GPC6: variants seen among roughly 807,000 people sequenced by gnomAD.
GPC6 encodes the protein glypican 6.
A neutral mutation model predicts 55.2 loss-of-function variants in GPC6; 14 were observed. The observed-to-expected ratio is 0.25, with a 90% CI of 0.17 to 0.40. The LOEUF (loss-of-function observed/expected upper bound fraction) is 0.40, where lower values mean the gene tolerates loss of function less well. Among genes scored for constraint, GPC6 ranks in the 10% least tolerant of loss-of-function variants. The pLI is 1.00. For synonymous variants in GPC6, 278 were observed against 259.6 expected (o/e 1.07, Z -0.68); for missense variants, 641 against 708.5 (o/e 0.90, Z 1.08).
intron 4 of GPC6, among the ~76,000 whole-genome samples, chr13:94,106,282 C>G (rs2138833142): frequency 6.6e-6 from 1 of 152,142 alleles, no homozygotes; most frequent in African/African-American, 2.4e-5. Context: ...TCATGGTCAA[C>G]AGTGTTAGAT....
chr13:94,130,823 A>G (rs1886978694), intron 4 of GPC6, among the ~76,000 whole-genome samples: 1 of 152,170 alleles, frequency 6.6e-6, no homozygotes, highest in Non-Finnish European at 1.5e-5. Context: ...AATACTAAGC[A>G]TTACTTCATA....
intron 3 of GPC6, among the ~76,000 whole-genome samples, chr13:94,004,490 T>C (rs967462131): frequency 2.6e-5 from 4 of 152,222 alleles, no homozygotes; most frequent in African/African-American, 7.2e-5. Context: ...TTGGAACATA[T>C]TGGAGAATAT....
intron 1 of GPC6, among the ~76,000 whole-genome samples, chr13:93,444,793 C>A (rs976027898): frequency 1.3e-5 from 2 of 152,120 alleles, no homozygotes; most frequent in Non-Finnish European, 2.9e-5. Flanking sequence ...CCTTTTAATC[C>A]TTTTCCTACT....
At chr13:93,414,457 A>G (rs1302262441) in intron 1 of GPC6, among the ~76,000 whole-genome samples, 1 of 152,176 alleles carries the variant, frequency 6.6e-6, no homozygotes. Context: ...GCACAAATTC[A>G]GCAATACGAT....
At chr13:93,329,344 A>G (rs1252733042) in intron 1 of GPC6, among the ~76,000 whole-genome samples, 8 of 152,204 alleles carry the variant, frequency 5.3e-5, no homozygotes, top group Admixed American at 5.2e-4. Flanking sequence ...ACTATTGGCA[A>G]CTTTTATAAA....
intron 2 of GPC6, among the ~76,000 whole-genome samples, chr13:93,824,266 A>G (rs1887157134): frequency 6.6e-6 from 1 of 152,248 alleles, no homozygotes; most frequent in African/African-American, 2.4e-5. Flanking sequence ...TAAAAACAAT[A>G]CTTGAGCAAA....
At chr13:94,201,105 G>A (rs75018524) in intron 4 of GPC6, among the ~76,000 whole-genome samples, 2,330 of 152,268 alleles carry the variant, frequency 0.015, 63 homozygotes, top group African/African-American at 0.053. Context: ...ACACTGAAAC[G>A]TGCCCCTCCT....
intron 2 of GPC6, among the ~76,000 whole-genome samples, chr13:93,697,539 T>C (rs1882503432): frequency 6.6e-6 from 1 of 152,192 alleles, no homozygotes; most frequent in South Asian, 2.1e-4. Context: ...GTTTTTGCTG[T>C]TGAATCCACA....
chr13:94,221,729 GA>G (rs1010323615), intron 4 of GPC6, among the ~76,000 whole-genome samples: 1 of 151,562 alleles, frequency 6.6e-6, no homozygotes, highest in African/African-American at 2.4e-5. Flanking sequence ...TATCTTTCTG[GA>G]AAAAAAATTA....
intron 2 of GPC6, among the ~76,000 whole-genome samples, chr13:93,677,059 T>C (rs985033402): frequency 6.6e-6 from 1 of 152,128 alleles, no homozygotes; most frequent in Non-Finnish European, 1.5e-5. Flanking sequence ...ATTACATTAG[T>C]ACTAAAAAGA....
chr13:93,241,343 CT>C (rs1274076266), intron 1 of GPC6, among the ~76,000 whole-genome samples: 2 of 152,056 alleles, frequency 1.3e-5, no homozygotes, highest in African/African-American at 4.8e-5. Flanking sequence ...TCTTTTGATT[CT>C]TTTTTCTTTG....
chr13:93,373,773 A>G (rs1033316973), intron 1 of GPC6, among the ~76,000 whole-genome samples: 2 of 152,248 alleles, frequency 1.3e-5, no homozygotes, highest in African/African-American at 4.8e-5. Context: ...TGACTAGTTA[A>G]ATCTGAGGTC....
At chr13:93,428,855 A>T (rs1019869531) in intron 1 of GPC6, among the ~76,000 whole-genome samples, 28 of 152,260 alleles carry the variant, frequency 1.8e-4, no homozygotes, top group African/African-American at 5.8e-4. Context: ...GTGAATACAA[A>T]AACTATTCAC....
chr13:94,160,937 G>A (rs1277056719), intron 4 of GPC6, among the ~76,000 whole-genome samples: 1 of 152,006 alleles, frequency 6.6e-6, no homozygotes, highest in Non-Finnish European at 1.5e-5. Context: ...CTCTATTCTA[G>A]GGAGAACAGT....
intron 1 of GPC6, among the ~76,000 whole-genome samples, chr13:93,275,825 A>G (rs766130919): frequency 4.6e-5 from 7 of 152,166 alleles, no homozygotes; most frequent in Non-Finnish European, 1.0e-4. Flanking sequence ...TAGGGCTTCA[A>G]CATATGAATT....
chr13:93,747,681 G>A (rs1163058162), intron 2 of GPC6, among the ~76,000 whole-genome samples: 1 of 152,192 alleles, frequency 6.6e-6, no homozygotes, highest in African/African-American at 2.4e-5. Flanking sequence ...AATAGGATTT[G>A]TGGAGATGAT....
At chr13:93,234,676 ATG>A (rs890187255) in intron 1 of GPC6, among the ~76,000 whole-genome samples, 36 of 110,636 alleles carry the variant, frequency 3.3e-4, no homozygotes, top group African/African-American at 4.1e-4. Flanking sequence ...GTGTTTGTGT[ATG>A]TGTGTGTGTG....
At chr13:94,151,356 A>G (rs1270568070) in intron 4 of GPC6, among the ~76,000 whole-genome samples, 3 of 152,172 alleles carry the variant, frequency 2.0e-5, no homozygotes, top group Admixed American at 6.6e-5. Context: ...TATAAACTGA[A>G]CAACAGAGAA....
chr13:93,969,781 A>C (rs1029773645), intron 3 of GPC6, among the ~76,000 whole-genome samples: 1 of 151,682 alleles, frequency 6.6e-6, no homozygotes, highest in African/African-American at 2.4e-5. Context: ...TCCTCATGAG[A>C]TCCACCTTTT....
Sources: allele counts gnomAD v4.1 joint callset (sites outside exome capture counted in the v4.1 genomes callset), GRCh38; gene constraint gnomAD v4.1.1; transcripts MANE v1.5; gene names NCBI Gene and HGNC (gene_info 2026-07-23, HGNC 2026-07-21).